Variants in KCNIP4 observed in about 807,000 individuals in gnomAD.
KCNIP4 encodes potassium voltage-gated channel interacting protein 4.
Under a neutral mutation model 34.0 loss-of-function variants are expected in KCNIP4, and 12 were observed. The observed-to-expected ratio is 0.35, with a 90% CI of 0.23 to 0.57. The LOEUF is 0.57. Among genes scored for constraint, KCNIP4 ranks in the 20% least tolerant of loss-of-function variants. The pLI is 0.83. For synonymous variants in KCNIP4, 124 were observed against 102.2 expected (o/e 1.21, Z -1.29); for missense variants, 238 against 311.7 (o/e 0.76, Z 1.78).
At chr4:21,247,394 A>T (rs1431332285) in intron 1 of KCNIP4, among the ~76,000 whole-genome samples, 2 of 151,772 alleles carry the variant, frequency 1.3e-5, no homozygotes, top group Non-Finnish European at 2.9e-5. Context: ...ACTCTTCTCT[A>T]TAGGAGGGTA....
intron 1 of KCNIP4, among the ~76,000 whole-genome samples, chr4:21,435,760 G>C (rs1213333922): frequency 6.6e-6 from 1 of 151,854 alleles, no homozygotes; most frequent in African/African-American, 2.4e-5. Context: ...TCCACTAATT[G>C]AATTAAAGCC....
At chr4:21,443,086 A>G (rs1021968749) in intron 1 of KCNIP4, among the ~76,000 whole-genome samples, 1 of 152,176 alleles carries the variant, frequency 6.6e-6, no homozygotes, top group South Asian at 2.1e-4. Flanking sequence ...GACAAAACTT[A>G]TCAACATTGG....
At chr4:21,857,532 T>C (rs1724834785) in intron 1 of KCNIP4, among the ~76,000 whole-genome samples, 1 of 151,540 alleles carries the variant, frequency 6.6e-6, no homozygotes, top group Non-Finnish European at 1.5e-5. Flanking sequence ...GAGAAGACAA[T>C]GGAAAAATGG....
intron 1 of KCNIP4, among the ~76,000 whole-genome samples, chr4:21,091,987 A>G (rs1560712889): frequency 6.6e-6 from 1 of 152,218 alleles, no homozygotes; most frequent in African/African-American, 2.4e-5. Flanking sequence ...AGACTCAGAT[A>G]GGCTCAGCAA....
Position 21,546,342 on chromosome 4 carries a change from T to A in KCNIP4, c.61+402229A>T, listed in dbSNP as rs200234385. On this transcript the variant is annotated intron_variant, in intron 1 of 8. Transcript: ENST00000382152. ...TACAAGATTTATATTGAATGGGTAGTCTAAACTAAGGAAAAGCAAAAAGTT... is the reference window on the plus strand; with the variant it reads ...TACAAGATTTATATTGAATGGGTAGACTAAACTAAGGAAAAGCAAAAAGTT... Among the ~76,000 whole-genome samples, 16 of 152,180 alleles carry A rather than the reference T, an allele frequency of 1.1e-4. No homozygotes were observed. The East Asian group carries it at 2.5e-3, about 24-fold the overall frequency.
chr4:20,807,844 C>A (rs1346519733), intron 3 of KCNIP4, among the ~76,000 whole-genome samples: 1 of 152,070 alleles, frequency 6.6e-6, no homozygotes, highest in Non-Finnish European at 1.5e-5. Flanking sequence ...GAAATCACTC[C>A]CAGGATTGTC....
Position 21,258,518 on chromosome 4 carries a change from C to T in KCNIP4, c.62-375809G>A, listed in dbSNP as rs375320422. On this transcript the variant is annotated intron_variant, in intron 1 of 8. Transcript: ENST00000382152. ...ATTTTATGAGGGAGGCAGATTATAA[C>T]CTAAAGTTATGAATAATCAGTTTCT... is the stretch of plus-strand genomic sequence containing the variant. Among the ~76,000 whole-genome samples, 32 of 152,214 alleles carry T rather than the reference C, an allele frequency of 2.1e-4. No individual in the cohort carries two copies. In the East Asian group the frequency reaches 4.8e-3, roughly 23 times the overall value.
At chr4:20,988,198 T>G (rs796347193) in intron 1 of KCNIP4, among the ~76,000 whole-genome samples, 22 of 152,160 alleles carry the variant, frequency 1.4e-4, no homozygotes, top group African/African-American at 5.1e-4. Context: ...TACTTTATCA[T>G]TCACCACCTC....
At chr4:20,824,214 G>A (rs1005363927) in intron 3 of KCNIP4, among the ~76,000 whole-genome samples, 1 of 152,192 alleles carries the variant, frequency 6.6e-6, no homozygotes, top group African/African-American at 2.4e-5. Context: ...GTCTGTGTGT[G>A]TGTATGTGTG....
chr4:21,454,444 A>G (rs73249590), intron 1 of KCNIP4, among the ~76,000 whole-genome samples: 6,797 of 152,258 alleles, frequency 0.045, 251 homozygotes, highest in Middle Eastern at 0.13. Flanking sequence ...ATTATTTGAC[A>G]GTGCAATTCA....
chr4:21,120,234 A>T (rs1318853318), intron 1 of KCNIP4, among the ~76,000 whole-genome samples: 1 of 152,230 alleles, frequency 6.6e-6, no homozygotes, highest in Non-Finnish European at 1.5e-5. Flanking sequence ...GGGCCTGTAT[A>T]TTAGTTTTCT....
chr4:20,935,397 G>T (rs1165271091), intron 1 of KCNIP4, among the ~76,000 whole-genome samples: 1 of 152,050 alleles, frequency 6.6e-6, no homozygotes, highest in African/African-American at 2.4e-5. Context: ...CTGTTCCTTG[G>T]CTAGAAACAT....
intron 1 of KCNIP4, among the ~76,000 whole-genome samples, chr4:21,381,288 A>G (rs1457833867): frequency 2.0e-5 from 3 of 152,154 alleles, no homozygotes; most frequent in Admixed American, 6.6e-5. Flanking sequence ...CAAGATCTCT[A>G]TACCTCTCCA....
chr4:20,954,745 C>T (rs1207104352), intron 1 of KCNIP4, among the ~76,000 whole-genome samples: 1 of 152,118 alleles, frequency 6.6e-6, no homozygotes, highest in Non-Finnish European at 1.5e-5. Context: ...AAATCTTTCT[C>T]AATTTTGTGA....
intron 1 of KCNIP4, among the ~76,000 whole-genome samples, chr4:21,109,852 C>T (rs1365815956): frequency 1.3e-5 from 2 of 152,090 alleles, no homozygotes; most frequent in African/African-American, 4.8e-5. Flanking sequence ...TTTAGAAAGT[C>T]TCTCTTTGCT....
chr4:21,844,365 G>T (rs1467284053), intron 1 of KCNIP4: 1 of 151,920 alleles, frequency 6.6e-6, no homozygotes, highest in African/African-American at 2.4e-5. Context: ...ATAATACATG[G>T]GTAGAATTTA....
intron 1 of KCNIP4, among the ~76,000 whole-genome samples, chr4:21,913,774 T>G (rs1480066938): frequency 1.3e-5 from 2 of 152,158 alleles, no homozygotes; most frequent in Non-Finnish European, 2.9e-5. Context: ...GGTAAGAGAT[T>G]ATAGCATTTG....
At chr4:21,319,510 G>A (rs1464512068) in intron 1 of KCNIP4, among the ~76,000 whole-genome samples, 1 of 152,150 alleles carries the variant, frequency 6.6e-6, no homozygotes, top group Non-Finnish European at 1.5e-5. Flanking sequence ...AGCTCTGGAG[G>A]CTGCCTTCTC....
intron 1 of KCNIP4, among the ~76,000 whole-genome samples, chr4:21,348,968 G>T (rs1717735022): frequency 6.6e-6 from 1 of 152,136 alleles, no homozygotes; most frequent in African/African-American, 2.4e-5. Flanking sequence ...AGATGCTTCT[G>T]CCTGAGAGAA....
Sources: gnomAD v4.1 joint callset for allele counts (sites outside exome capture counted in the v4.1 genomes callset) on GRCh38, gnomAD v4.1.1 for gene constraint, MANE v1.5 for transcripts, NCBI Gene and HGNC (gene_info 2026-07-23, HGNC 2026-07-21) for gene names.